USH2A: variants seen among roughly 807,000 people sequenced by gnomAD.
USH2A encodes the protein usherin.
USH2A carries 443 observed loss-of-function variants against 538.9 expected under a neutral mutation model. That is an observed-to-expected ratio of 0.82 (90% CI 0.76 to 0.89). The LOEUF (loss-of-function observed/expected upper bound fraction) is 0.89, where lower values mean the gene tolerates loss of function less well. Ranked by LOEUF, USH2A falls within the 40% of genes least tolerant of loss-of-function variation. The probability of loss-of-function intolerance (pLI) is 0.00; values close to 1 mark genes in which losing one functional copy is unlikely to be tolerated. For synonymous variants in USH2A, 2,413 were observed against 2,273.5 expected (o/e 1.06, Z -1.75); for missense variants, 6,633 against 6,324.8 (o/e 1.05, Z -1.65).
At chr1:216,372,589 T>G (rs184252638) in intron 3 of USH2A, among the ~76,000 whole-genome samples, 2 of 152,246 alleles carry the variant, frequency 1.3e-5, no homozygotes, top group African/African-American at 4.8e-5. Flanking sequence ...TTGTCCTATC[T>G]TGACTGGATG....
chr1:216,207,097 T>A (rs1297943375), intron 16 of USH2A, among the ~76,000 whole-genome samples, 176 bp downstream of exon 16: 1 of 152,170 alleles, frequency 6.6e-6, no homozygotes, highest in Admixed American at 6.5e-5. Context: ...ATAATAAGCA[T>A]CTCATTTTTA....
chr1:215,884,866 G>A (rs1412514166), intron 41 of USH2A, among the ~76,000 whole-genome samples: 2 of 152,160 alleles, frequency 1.3e-5, no homozygotes, highest in African/African-American at 4.8e-5. Context: ...GCCAAGGCTG[G>A]TGGCTTCACC....
At chr1:215,658,632 C>T (rs1657344114) in intron 64 of USH2A, among the ~76,000 whole-genome samples, 1 of 152,176 alleles carries the variant, frequency 6.6e-6, no homozygotes, top group Admixed American at 6.5e-5. Context: ...TTCATAGAGC[C>T]CTGCGTGGAC....
chr1:216,238,089 T>C (rs1025266045), intron 13 of USH2A, among the ~76,000 whole-genome samples: 2 of 152,210 alleles, frequency 1.3e-5, no homozygotes, highest in Non-Finnish European at 2.9e-5. Flanking sequence ...TATGAGCTCA[T>C]TACTTAATAA....
chr1:216,335,140 C>T (rs999848407), intron 4 of USH2A, among the ~76,000 whole-genome samples: 3 of 151,604 alleles, frequency 2.0e-5, no homozygotes, highest in Non-Finnish European at 4.4e-5. Context: ...AAATCAATAA[C>T]AGAAGCAAAT....
chr1:216,269,884 GA>G (rs1558354848), intron 11 of USH2A, among the ~76,000 whole-genome samples: 1 of 152,056 alleles, frequency 6.6e-6, no homozygotes, highest in Non-Finnish European at 1.5e-5. Context: ...CAACAGAAAA[GA>G]GTAAGATCCT....
At chr1:216,378,002 G>A (rs908895295) in intron 3 of USH2A, among the ~76,000 whole-genome samples, 4 of 151,954 alleles carry the variant, frequency 2.6e-5, no homozygotes, top group African/African-American at 7.2e-5. Context: ...TGTGTGCTTC[G>A]GATGGTTCTG....
At chr1:216,398,380 C>T (rs1169132638) in intron 3 of USH2A, among the ~76,000 whole-genome samples, 2 of 152,166 alleles carry the variant, frequency 1.3e-5, no homozygotes, top group African/African-American at 2.4e-5. Context: ...AAACATCTAA[C>T]GTAGAACCAC....
intron 55 of USH2A, among the ~76,000 whole-genome samples, chr1:215,771,671 A>C (rs538257747): frequency 1.4e-5 from 2 of 142,312 alleles, no homozygotes; most frequent in Admixed American, 1.5e-4. Flanking sequence ...GAATATTATT[A>C]TGAGTCATGT....
At chr1:216,406,335 C>A (rs1645068065) in intron 3 of USH2A, among the ~76,000 whole-genome samples, 1 of 152,030 alleles carries the variant, frequency 6.6e-6, no homozygotes. Context: ...TGCCTGTGAA[C>A]CTACAATTAT....
At chr1:216,075,609 T>G (rs2031719215) in intron 27 of USH2A, among the ~76,000 whole-genome samples, 2 of 152,066 alleles carry the variant, frequency 1.3e-5, no homozygotes, top group South Asian at 4.1e-4. Flanking sequence ...GCCTGCTAAA[T>G]TTGAGCCCCC....
intron 40 of USH2A, among the ~76,000 whole-genome samples, chr1:215,891,422 A>C (rs1257551425): frequency 6.6e-6 from 1 of 152,166 alleles, no homozygotes; most frequent in Non-Finnish European, 1.5e-5. Context: ...CTTTCAATTT[A>C]GTGCTTTAAA....
Position 215,898,879 on chromosome 1 carries a change from C to T in USH2A, c.7594+1196G>A, listed in dbSNP as rs116730181. ...ATTAATGCTTTCTGGACTTTGGGTG[C>T]CATTTATCGTACTGTGCTGATAATT... On this transcript the variant is annotated intron_variant, in intron 40 of 71. Transcript: ENST00000307340. Among the ~76,000 whole-genome samples, 685 of 152,210 alleles carry T rather than the reference C, an allele frequency of 4.5e-3. 4 individuals are homozygous for T. Among genetic ancestry groups the T allele is most frequent in the African/African-American group, 0.016 (653 of 41,536 alleles).
At chr1:215,670,386 C>A (rs1246739610) in intron 64 of USH2A, among the ~76,000 whole-genome samples, 1 of 152,150 alleles carries the variant, frequency 6.6e-6, no homozygotes, top group East Asian at 1.9e-4. Flanking sequence ...GATGGCAAAA[C>A]AAAACAAACC....
At chr1:215,926,678 T>C (rs4316346) in intron 38 of USH2A, among the ~76,000 whole-genome samples, 125,914 of 145,380 alleles carry the variant, frequency 0.87, 54,634 homozygotes, top group African/African-American at 0.91. Flanking sequence ...AGTGCAATGG[T>C]ACAATCTTGG....
chr1:215,870,553 C>G (rs1308158763), intron 43 of USH2A, among the ~76,000 whole-genome samples: 1 of 151,592 alleles, frequency 6.6e-6, no homozygotes, highest in Non-Finnish European at 1.5e-5. Context: ...CCTCGGCCTC[C>G]CACTGCTGGG....
At chr1:215,687,897 G>A (rs1006910143) in intron 61 of USH2A, among the ~76,000 whole-genome samples, 7 of 152,062 alleles carry the variant, frequency 4.6e-5, no homozygotes, top group Non-Finnish European at 8.8e-5. Flanking sequence ...TAGAAAGCAA[G>A]GGAGGCAAGG....
At position 215,831,738 on chromosome 1, in the gene USH2A, A is replaced by G. The variant is rs192150720; in HGVS notation, c.9371+6253T>C. 1.3e-3 allele frequency among the ~76,000 whole-genome samples: 202 copies of G among 152,250 alleles called. 1 individual carries two copies. The highest frequency in any genetic ancestry group is 1.0e-2 in the South Asian group (48 of 4,824). On this transcript the variant is annotated intron_variant, in intron 47 of 71. Transcript: ENST00000307340. ...AGAAAAGAAGAAAGGTCTCAAATCA[A>G]TAATGAAAGTTTTCATCTTTAAGAA...
chr1:216,013,763 TC>T (rs1218184446), intron 32 of USH2A, among the ~76,000 whole-genome samples: 1 of 152,032 alleles, frequency 6.6e-6, no homozygotes, highest in East Asian at 1.9e-4. Context: ...CTATCTCCCT[TC>T]GCTGACTCTC....
Sources: gnomAD v4.1 joint callset for allele counts (sites outside exome capture counted in the v4.1 genomes callset) on GRCh38, gnomAD v4.1.1 for gene constraint, MANE v1.5 for transcripts, NCBI Gene and HGNC (gene_info 2026-07-23, HGNC 2026-07-21) for gene names.